The following CENPW variants were observed in gnomAD, a reference collection of about 807,000 sequenced individuals.
CENPW encodes the protein cancer-up-regulated gene 2 protein.
A neutral mutation model predicts 11.1 loss-of-function variants in CENPW; 3 were observed. The observed-to-expected ratio is 0.27, with a 90% confidence interval of 0.12 to 0.70. The LOEUF is 0.70. Ranked by LOEUF, CENPW falls within the 30% of genes least tolerant of loss-of-function variation. The pLI is 0.77. For synonymous variants in CENPW, 38 were observed against 42.0 expected (o/e 0.91, Z 0.37); for missense variants, 100 against 105.6 (o/e 0.95, Z 0.23).
the CENPW span, among the ~76,000 whole-genome samples, chr6:126,364,456 A>G: frequency 6.6e-6 from 1 of 152,176 alleles, no homozygotes; most frequent in Non-Finnish European, 1.5e-5. Flanking sequence ...TCCTGTTAAT[A>G]AAATCTGCTT....
the CENPW span, among the ~76,000 whole-genome samples, chr6:126,419,839 C>T: frequency 6.6e-6 from 1 of 152,140 alleles, no homozygotes; most frequent in Non-Finnish European, 1.5e-5. Flanking sequence ...TCCCACTTTT[C>T]TCTTATAAGA....
the CENPW span, among the ~76,000 whole-genome samples, chr6:126,386,131 T>G: frequency 6.6e-6 from 1 of 152,064 alleles, no homozygotes; most frequent in African/African-American, 2.4e-5. Context: ...CTGTACAATT[T>G]TATCTTTTTA....
At chr6:126,466,289 C>G in the CENPW span, among the ~76,000 whole-genome samples, 1 of 152,056 alleles carries the variant, frequency 6.6e-6, no homozygotes, top group African/African-American at 2.4e-5. Context: ...GGCTAAGTAA[C>G]TGTAAATCAC....
At chr6:126,473,503 A>C in the CENPW span, among the ~76,000 whole-genome samples, 1 of 151,922 alleles carries the variant, frequency 6.6e-6, no homozygotes, top group African/African-American at 2.4e-5. Flanking sequence ...AGGCGGAGGC[A>C]GGTGGATCAT....
the CENPW span, among the ~76,000 whole-genome samples, chr6:126,354,293 T>TAA: frequency 6.6e-6 from 1 of 152,172 alleles, no homozygotes; most frequent in Non-Finnish European, 1.5e-5. Flanking sequence ...GGCCTCTTTT[T>TAA]ACCCCTGGCC....
the CENPW span, among the ~76,000 whole-genome samples, chr6:126,463,347 T>C: frequency 1.3e-5 from 2 of 152,038 alleles, no homozygotes; most frequent in Non-Finnish European, 2.9e-5. Context: ...AATCACAGTT[T>C]AGGAAATAAG....
At chr6:126,412,547 C>T in the CENPW span, among the ~76,000 whole-genome samples, 1 of 152,028 alleles carries the variant, frequency 6.6e-6, no homozygotes, top group Non-Finnish European at 1.5e-5. Context: ...ATTTATCCTA[C>T]ATGGAATTGT....
chr6:126,381,500 T>G, the CENPW span, among the ~76,000 whole-genome samples: 2 of 152,208 alleles, frequency 1.3e-5, no homozygotes, highest in Non-Finnish European at 2.9e-5. Context: ...GAACATCCAC[T>G]GTCAAGACTA....
At chr6:126,355,862 G>A in the CENPW span, among the ~76,000 whole-genome samples, 1 of 152,148 alleles carries the variant, frequency 6.6e-6, no homozygotes, top group Non-Finnish European at 1.5e-5. Flanking sequence ...AAGTCCATGT[G>A]CAGATGTGTT....
At chr6:126,467,144 T>C in the CENPW span, among the ~76,000 whole-genome samples, 1 of 152,144 alleles carries the variant, frequency 6.6e-6, no homozygotes, top group Non-Finnish European at 1.5e-5. Flanking sequence ...AAAAACTATT[T>C]TAAAATTCAT....
downstream of CENPW, among the ~76,000 whole-genome samples, chr6:126,353,208 A>G (rs2045258): frequency 0.45 from 65,026 of 145,066 alleles, 16,347 homozygotes; most frequent in East Asian, 0.97. Context: ...TAACAATTTT[A>G]TATTTCCCTA....
chr6:126,454,870 A>G, the CENPW span, among the ~76,000 whole-genome samples: 1 of 151,388 alleles, frequency 6.6e-6, no homozygotes, highest in Non-Finnish European at 1.5e-5. Context: ...AAATGCAATT[A>G]TAAATGACAA....
the CENPW span, among the ~76,000 whole-genome samples, chr6:126,410,053 C>G: frequency 6.6e-6 from 1 of 151,648 alleles, no homozygotes; most frequent in South Asian, 2.1e-4. Flanking sequence ...ATTTTATTCT[C>G]TTGTCCTTTT....
chr6:126,433,017 A>T, the CENPW span, among the ~76,000 whole-genome samples: 1 of 152,164 alleles, frequency 6.6e-6, no homozygotes, highest in African/African-American at 2.4e-5. Flanking sequence ...GTTGTCCCAG[A>T]TTTCTGTGAA....
chr6:126,426,718 T>G, the CENPW span, among the ~76,000 whole-genome samples: 2 of 152,028 alleles, frequency 1.3e-5, no homozygotes, highest in Non-Finnish European at 2.9e-5. Flanking sequence ...ATACAAAAAT[T>G]TAATAGAAAT....
the CENPW span, among the ~76,000 whole-genome samples, chr6:126,476,400 T>C: frequency 6.6e-6 from 1 of 152,006 alleles, no homozygotes; most frequent in African/African-American, 2.4e-5. Flanking sequence ...AAAATTTCAT[T>C]TTGACTGAAA....
the CENPW span, among the ~76,000 whole-genome samples, chr6:126,431,973 G>T: frequency 6.8e-6 from 1 of 147,848 alleles, no homozygotes; most frequent in Non-Finnish European, 1.5e-5. Flanking sequence ...GCTGAGGCAG[G>T]AGAATCGCTT....
At chr6:126,390,146 G>C in the CENPW span, among the ~76,000 whole-genome samples, 3 of 151,864 alleles carry the variant, frequency 2.0e-5, no homozygotes, top group Admixed American at 1.3e-4. Flanking sequence ...AATTCTAAAT[G>C]TATTTCAAAT....
the CENPW span, among the ~76,000 whole-genome samples, chr6:126,481,719 A>G: frequency 6.6e-6 from 1 of 152,242 alleles, no homozygotes; most frequent in East Asian, 1.9e-4. Flanking sequence ...TATTTAAACC[A>G]TAGCATACAT....
Sources: gnomAD v4.1 joint callset for allele counts (sites outside exome capture counted in the v4.1 genomes callset) on GRCh38, gnomAD v4.1.1 for gene constraint, MANE v1.5 for transcripts, NCBI Gene and HGNC (gene_info 2026-07-23, HGNC 2026-07-21) for gene names.